The following KLF8 variants were observed in gnomAD, a reference collection of about 807,000 sequenced individuals.
KLF8 encodes the protein KLF transcription factor 8.
A neutral mutation model predicts 18.2 loss-of-function variants in KLF8; 10 were observed. The ratio of observed to expected loss-of-function variants is 0.55; its 90% CI spans 0.34 to 0.93. KLF8 has a LOEUF of 0.93. Among genes scored for constraint, KLF8 ranks in the 40% least tolerant of loss-of-function variants. The probability of loss-of-function intolerance (pLI) is 0.02; values close to 1 mark genes in which losing one functional copy is unlikely to be tolerated. For missense variants in KLF8, 264 were observed against 277.9 expected, an observed-to-expected ratio of 0.95 and a Z score of 0.36; for synonymous variants, 109 against 97.3, an observed-to-expected ratio of 1.12 and a Z score of -0.71.
chrX:56,151,636 G>T, the KLF8 span, among the ~76,000 whole-genome samples: 2 of 110,874 alleles, frequency 1.8e-5, no homozygotes, highest in Non-Finnish European at 3.8e-5. Flanking sequence ...AGAGTGCTTG[G>T]TGGGGGTGTG....
chrX:56,244,467 C>T (rs944876597), intron 1 of KLF8, among the ~76,000 whole-genome samples: 2 of 111,851 alleles, frequency 1.8e-5, no homozygotes, highest in African/African-American at 6.5e-5. Context: ...GAACTACAAG[C>T]ATGAGCCACT....
the KLF8 span, among the ~76,000 whole-genome samples, chrX:55,942,484 G>A: frequency 9.1e-5 from 10 of 110,138 alleles, no homozygotes; most frequent in East Asian, 2.0e-3. Context: ...AAATCTGTAC[G>A]TCATGCACTT....
the KLF8 span, among the ~76,000 whole-genome samples, chrX:55,999,540 G>A: frequency 4.6e-5 from 5 of 108,139 alleles, no homozygotes; most frequent in African/African-American, 1.0e-4. Flanking sequence ...TCTTCCAGTC[G>A]AGATATTTTA....
intron 2 of KLF8, among the ~76,000 whole-genome samples, chrX:56,263,241 T>C (rs1246777534): frequency 9.0e-6 from 1 of 111,629 alleles, no homozygotes; most frequent in Non-Finnish European, 1.9e-5. Context: ...CCATGAGGGA[T>C]GGGTTACATT....
the KLF8 span, among the ~76,000 whole-genome samples, chrX:56,069,433 G>A: frequency 9.0e-6 from 1 of 111,166 alleles, no homozygotes; most frequent in South Asian, 3.8e-4. Context: ...TGGGATATGT[G>A]TATTAGAGCT....
the KLF8 span, among the ~76,000 whole-genome samples, chrX:56,042,379 G>T: frequency 2.7e-5 from 3 of 111,186 alleles, no homozygotes; most frequent in African/African-American, 9.8e-5. Flanking sequence ...TCTGTAGCAG[G>T]TCCGACTGAT....
chrX:56,110,719 A>T, the KLF8 span, among the ~76,000 whole-genome samples: 1 of 111,115 alleles, frequency 9.0e-6, no homozygotes, highest in Non-Finnish European at 1.9e-5. Context: ...TTATGTCCAA[A>T]ATTTGTTTCT....
the KLF8 span, among the ~76,000 whole-genome samples, chrX:55,997,001 A>C: frequency 8.9e-6 from 1 of 111,973 alleles, no homozygotes; most frequent in Admixed American, 9.4e-5. Flanking sequence ...ACTCACCCAC[A>C]AAGCAGTGGG....
At chrX:56,165,724 G>T in the KLF8 span, among the ~76,000 whole-genome samples, 4 of 111,049 alleles carry the variant, frequency 3.6e-5, no homozygotes, top group South Asian at 1.5e-3. Flanking sequence ...AGCCAGATAT[G>T]TTTCTACATG....
the KLF8 span, among the ~76,000 whole-genome samples, chrX:56,031,905 G>A: frequency 1.8e-5 from 2 of 111,579 alleles, no homozygotes; most frequent in Non-Finnish European, 3.8e-5. Context: ...TCGATCGAGC[G>A]ATCTAGGGGG....
At chrX:56,015,657 TG>T in the KLF8 span, among the ~76,000 whole-genome samples, 2 of 111,668 alleles carry the variant, frequency 1.8e-5, no homozygotes, top group Non-Finnish European at 3.8e-5. Flanking sequence ...TCTAGGTGAG[TG>T]GGTTCAAGCA....
chrX:56,038,032 C>T, the KLF8 span, among the ~76,000 whole-genome samples: 59 of 111,351 alleles, frequency 5.3e-4, no homozygotes, highest in Non-Finnish European at 8.1e-4. Flanking sequence ...TGTTTATGAG[C>T]TCAAATGTTT....
the KLF8 span, among the ~76,000 whole-genome samples, chrX:56,203,304 C>T: frequency 8.9e-6 from 1 of 111,905 alleles, no homozygotes; most frequent in Non-Finnish European, 1.9e-5. Context: ...TGTTTGAGCT[C>T]CATATACATT....
chrX:55,983,894 G>GT, the KLF8 span, among the ~76,000 whole-genome samples: 1 of 109,851 alleles, frequency 9.1e-6, no homozygotes, highest in Non-Finnish European at 1.9e-5. Context: ...TTCCAGTCCT[G>GT]TGTAATTACA....
chrX:56,048,025 A>C, the KLF8 span, among the ~76,000 whole-genome samples: 1 of 111,952 alleles, frequency 8.9e-6, no homozygotes, highest in African/African-American at 3.2e-5. Flanking sequence ...CAGTCATGAT[A>C]AGCATTTTTT....
the KLF8 span, among the ~76,000 whole-genome samples, chrX:56,183,197 C>T: frequency 8.9e-6 from 1 of 111,968 alleles, no homozygotes; most frequent in African/African-American, 3.2e-5. Flanking sequence ...GTCTTGCTGC[C>T]ACCTTGCAGT....
At chrX:56,029,771 C>T in the KLF8 span, among the ~76,000 whole-genome samples, 5 of 111,862 alleles carry the variant, frequency 4.5e-5, no homozygotes, top group African/African-American at 1.3e-4. Flanking sequence ...CAGACGTGAG[C>T]GATTGGACTG....
the KLF8 span, among the ~76,000 whole-genome samples, chrX:56,078,783 T>A: frequency 3.6e-5 from 4 of 111,409 alleles, no homozygotes; most frequent in Non-Finnish European, 7.5e-5. Context: ...GGACTCTTTT[T>A]TGTTGGTAAG....
the KLF8 span, among the ~76,000 whole-genome samples, chrX:56,203,921 C>G: frequency 9.1e-6 from 1 of 110,458 alleles, no homozygotes. Flanking sequence ...TTTTATGGTT[C>G]CATATGCATT....
Sources: allele counts gnomAD v4.1 joint callset (sites outside exome capture counted in the v4.1 genomes callset), GRCh38; gene constraint gnomAD v4.1.1; transcripts MANE v1.5; gene names NCBI Gene and HGNC (gene_info 2026-07-23, HGNC 2026-07-21).